Variants in STAT4 observed in about 807,000 individuals in gnomAD.
The protein encoded by STAT4 is signal transducer and activator of transcription 4.
In STAT4, 42 loss-of-function variants were observed where a neutral mutation model predicts 110.5. That is an observed-to-expected ratio of 0.38 (90% CI 0.30 to 0.49). The LOEUF (loss-of-function observed/expected upper bound fraction) is 0.49. STAT4 is among the 20% of genes least tolerant of loss of function. STAT4 has a pLI of 0.95. For missense variants in STAT4, 632 were observed against 887.9 expected (o/e 0.71, Z 3.66); for synonymous variants, 284 against 302.2 (o/e 0.94, Z 0.63).
rs1050977772 is a variant in STAT4 at position 191,099,979 on chromosome 2, T to C, written c.274-23654A>G. Among the ~76,000 whole-genome samples the C allele has an allele frequency of 1.1e-4, 16 of 152,164 alleles. No individual in the cohort carries two copies. Among genetic ancestry groups the C allele is most frequent in the Non-Finnish European group, 2.4e-4 (16 of 68,024 alleles). On this transcript the variant is annotated intron_variant, in intron 3 of 23. Coordinates refer to ENST00000392320, the MANE Select transcript of STAT4 (RefSeq NM_003151.4). The surrounding 1 kb of genome is among the most constrained non-coding windows in gnomAD (Gnocchi z 4.1). ...TTTCTTCTTAGACTTTTCATTATCA[T>C]TTGACTTTTTACAAAGATTTGCATT...
intron 3 of STAT4, chr2:191,131,635 C>A: frequency 1.8e-6 from 1 of 570,122 alleles, no homozygotes; most frequent in Non-Finnish European, 2.6e-6. Flanking sequence ...AGAGTGGTGT[C>A]AGGGAGGAGG....
intron 4 of STAT4, among the ~76,000 whole-genome samples, chr2:191,074,457 C>A (rs941801673): frequency 1.3e-5 from 2 of 152,118 alleles, no homozygotes; most frequent in South Asian, 2.1e-4. Flanking sequence ...AATTTAATAA[C>A]CAGCACTTCT....
intron 6 of STAT4, among the ~76,000 whole-genome samples, chr2:191,069,295 A>G (rs1243515540): frequency 5.3e-5 from 8 of 152,076 alleles, no homozygotes; most frequent in Admixed American, 4.6e-4. Context: ...AAATTATATT[A>G]TTAAAATACT....
Position 191,035,235 on chromosome 2 carries a change from C to T in STAT4, c.1571-638G>A, listed in dbSNP as rs1310033948. On this transcript the variant is annotated intron_variant, in intron 17 of 23. Transcript: ENST00000392320. This position sits in a 1 kb window ranked among gnomAD's most constrained non-coding sequence, Gnocchi z 4.7. ...ATACTACATGTTTAAAAGCTTTAGT[C>T]ACTCTAACAAATGTTTATTGAATGC... Among the ~76,000 whole-genome samples, 2 of 152,206 alleles carry T rather than the reference C, an allele frequency of 1.3e-5. No individual in the cohort carries two copies. Among genetic ancestry groups the T allele is most frequent in the African/African-American group, 2.4e-5 (1 of 41,444 alleles).
At chr2:191,148,870 C>A (rs1207777014) in intron 1 of STAT4, among the ~76,000 whole-genome samples, 1 of 152,052 alleles carries the variant, frequency 6.6e-6, no homozygotes, top group African/African-American at 2.4e-5. Flanking sequence ...TATAGATGGG[C>A]AAAGCTCTTA....
In STAT4 at chr2:191,043,990, T is replaced by A. The variant is rs1273107687; in HGVS notation, c.1252-2842A>T. On this transcript the variant is annotated intron_variant, in intron 14 of 23. Transcript: ENST00000392320. This position sits in a 1 kb window ranked among gnomAD's most constrained non-coding sequence, Gnocchi z 4.8. ...CATCAAAATTCAAGGCAATGGTTAT[T>A]GGGAGGTGGGTGGGTACAGAGAGGA... Among the ~76,000 whole-genome samples the A allele has an allele frequency of 1.6e-5, 1 of 62,870 alleles. No homozygotes were observed. The highest frequency in any genetic ancestry group is 6.8e-5 in the African/African-American group (1 of 14,758). 41.2% of individuals were successfully genotyped at this position (62,870 alleles called of 152,430 possible). A position where few individuals can be genotyped will look rare whatever the true frequency, so the allele number is the denominator to read the frequency against.
chr2:191,078,441 G>A (rs1019470942), intron 3 of STAT4, among the ~76,000 whole-genome samples: 3 of 151,982 alleles, frequency 2.0e-5, no homozygotes, highest in Admixed American at 1.3e-4. Flanking sequence ...AGGAATCACC[G>A]CTGTTTTCAT....
Position 191,144,850 on chromosome 2 carries a change from A to T in STAT4, c.273+1763T>A, listed in dbSNP as rs991672675. On this transcript the variant is annotated intron_variant, in intron 3 of 23. Coordinates refer to ENST00000392320, the MANE Select transcript of STAT4 (RefSeq NM_003151.4). The surrounding 1 kb of genome is among the most constrained non-coding windows in gnomAD (Gnocchi z 4.7). ...AGACTTCCTCACAATTCCAAAAGGT[A>T]GATAATAATTATCTTTGTTTACATT... Among the ~76,000 whole-genome samples, 1 of 152,212 alleles carries T rather than the reference A, an allele frequency of 6.6e-6. No individual in the cohort carries two copies. Among genetic ancestry groups the T allele is most frequent in the Non-Finnish European group, 1.5e-5 (1 of 68,030 alleles).
At chr2:191,041,917 G>A (rs1559040709) in intron 14 of STAT4, among the ~76,000 whole-genome samples, 2 of 152,188 alleles carry the variant, frequency 1.3e-5, no homozygotes, top group African/African-American at 4.8e-5. Context: ...TACATTCTGG[G>A]AACAAGGTCA....
intron 3 of STAT4, among the ~76,000 whole-genome samples, chr2:191,101,307 T>C (rs1007563976): frequency 6.6e-6 from 1 of 152,220 alleles, no homozygotes; most frequent in East Asian, 1.9e-4. Context: ...TGCATTTTTA[T>C]AAACACTTAT....
At chr2:191,084,726 C>CT (rs1559059869) in intron 3 of STAT4, among the ~76,000 whole-genome samples, 2 of 151,898 alleles carry the variant, frequency 1.3e-5, no homozygotes, top group African/African-American at 4.8e-5. Context: ...TTTAAATGGA[C>CT]TTTTTTAGTT....
chr2:191,072,512 TC>T (rs1424883093), intron 5 of STAT4, among the ~76,000 whole-genome samples: 3 of 152,230 alleles, frequency 2.0e-5, no homozygotes, highest in Non-Finnish European at 4.4e-5. Flanking sequence ...GGACTGTTGA[TC>T]TTTAAATATT....
At chr2:191,085,664 A>G (rs978464917) in intron 3 of STAT4, among the ~76,000 whole-genome samples, 1 of 152,160 alleles carries the variant, frequency 6.6e-6, no homozygotes, top group Non-Finnish European at 1.5e-5. Context: ...AATTGGTTCA[A>G]AGTCATCTCA....
At chr2:191,049,857 G>C (rs1406521446) in intron 14 of STAT4, among the ~76,000 whole-genome samples, 13 of 152,152 alleles carry the variant, frequency 8.5e-5, no homozygotes, top group African/African-American at 7.2e-5. Flanking sequence ...TAAGGTTTTA[G>C]TAATATTTTT....
intron 8 of STAT4, among the ~76,000 whole-genome samples, chr2:191,064,242 G>C (rs1696924458): frequency 6.6e-6 from 1 of 152,158 alleles, no homozygotes; most frequent in South Asian, 2.1e-4. Flanking sequence ...GGAATAACAT[G>C]CATTATTACC....
intron 14 of STAT4, among the ~76,000 whole-genome samples, chr2:191,041,904 C>T (rs547062415): frequency 3.0e-4 from 45 of 152,288 alleles, no homozygotes; most frequent in Non-Finnish European, 6.0e-4. Context: ...TACAGAGGCT[C>T]TCTACATTCT....
intron 3 of STAT4, among the ~76,000 whole-genome samples, chr2:191,088,463 G>T (rs1004207027): frequency 2.6e-5 from 4 of 152,116 alleles, no homozygotes; most frequent in Non-Finnish European, 5.9e-5. Context: ...GCAGAAATAA[G>T]CAGAATAAAG....
Position 191,106,300 on chromosome 2 carries a change from C to T in STAT4, c.274-29975G>A, listed in dbSNP as rs562120618. ...GGTACTTGGAAGTTTTCGAACTTGG[C>T]AGAAGACAAATCAAAACACATGCCT... On this transcript the variant is annotated intron_variant, in intron 3 of 23. Transcript: ENST00000392320. Among the ~76,000 whole-genome samples the T allele has an allele frequency of 2.1e-4, 32 of 151,574 alleles. No individual in the cohort carries two copies. In the South Asian group the frequency reaches 5.4e-3, roughly 26 times the overall value.
In STAT4 at chr2:191,039,033, T is replaced by G. The variant is rs976252617; in HGVS notation, c.1434+166A>C. 7.9e-5 allele frequency among the ~76,000 whole-genome samples: 12 copies of G among 152,180 alleles called. No homozygotes were observed. The highest frequency in any genetic ancestry group is 2.9e-4 in the African/African-American group (12 of 41,442). ...AGGGTCCACATATATCAGAACATACTACTTTAAATATGACATGAGAGGAAA... is the reference window on the plus strand; with the variant it reads ...AGGGTCCACATATATCAGAACATACGACTTTAAATATGACATGAGAGGAAA... On this transcript the variant is annotated intron_variant, in intron 16 of 23. Coordinates refer to ENST00000392320, the MANE Select transcript of STAT4 (RefSeq NM_003151.4). This position sits in a 1 kb window ranked among gnomAD's most constrained non-coding sequence, Gnocchi z 4.7.
Sources: gnomAD v4.1 joint callset for allele counts (sites outside exome capture counted in the v4.1 genomes callset) on GRCh38, gnomAD v4.1.1 for gene constraint, Gnocchi (gnomAD v3.1) non-coding constraint, MANE v1.5 for transcripts, NCBI Gene and HGNC (gene_info 2026-07-23, HGNC 2026-07-21) for gene names.